Variants in GAS7 observed in about 807,000 individuals in gnomAD.
GAS7 encodes growth arrest-specific protein 7.
In GAS7, 28 loss-of-function variants were observed where a neutral mutation model predicts 71.1. The observed-to-expected ratio is 0.39, with a 90% CI of 0.29 to 0.54. The LOEUF is 0.54. GAS7 is among the 20% of genes least tolerant of loss of function. The pLI is 0.62. For synonymous variants in GAS7, 258 were observed against 245.8 expected, an observed-to-expected ratio of 1.05 and a Z score of -0.46; for missense variants, 436 against 627.8, an observed-to-expected ratio of 0.69 and a Z score of 3.27.
chr17:10,124,542 C>G (rs1381184002), intron 1 of GAS7, among the ~76,000 whole-genome samples: 1 of 152,244 alleles, frequency 6.6e-6, no homozygotes, highest in African/African-American at 2.4e-5. Flanking sequence ...TTTGCTGGCT[C>G]TCTTTCGGCC....
At position 9,917,149 on chromosome 17, in the gene GAS7, G is replaced by T. The variant is rs545468217; in HGVS notation, c.*79C>A. The T allele has an allele frequency of 7.4e-5, 65 of 882,914 alleles. No homozygotes were observed. In the African/African-American group the frequency reaches 8.5e-4, roughly 12 times the overall value. 54.7% of individuals were successfully genotyped at this position (882,914 alleles called of 1,614,324 possible). On this transcript the variant is annotated 3_prime_UTR_variant, in exon 14 of 14. Transcript: ENST00000432992. ...AGTGGCCCAGGAGAGAGGGTGGGGG[G>T]CATCCACTCGGCATGGGCCCCATGG...
chr17:10,108,215 C>G (rs949256147), intron 1 of GAS7, among the ~76,000 whole-genome samples: 6 of 152,184 alleles, frequency 3.9e-5, no homozygotes. Context: ...TGCTTTGCAT[C>G]CTCTCCCTAA....
intron 2 of GAS7, among the ~76,000 whole-genome samples, chr17:10,016,359 TG>T (rs547557520): frequency 7.8e-4 from 95 of 122,354 alleles, no homozygotes; most frequent in African/African-American, 2.9e-3. Context: ...CAGTCCAGCC[TG>T]GGTGAAAGAG....
chr17:9,920,496 A>G (rs772877820), intron 11 of GAS7, among the ~76,000 whole-genome samples: 2 of 152,386 alleles, frequency 1.3e-5, no homozygotes, highest in Non-Finnish European at 2.9e-5. Context: ...AAGTAATTGC[A>G]AACATTACTA....
rs891476537 is a variant in GAS7 at position 9,937,652 on chromosome 17, C to T, written c.806+2474G>A. ...CTGCACAGCCAACCCATGTGGAGGGCTTAATCAAAGCCACATTTGGGTTGG... is the reference window on the plus strand; with the variant it reads ...CTGCACAGCCAACCCATGTGGAGGGTTTAATCAAAGCCACATTTGGGTTGG... On this transcript the variant is annotated intron_variant, in intron 8 of 13. Coordinates refer to ENST00000432992, the MANE Select transcript of GAS7 (RefSeq NM_201433.2). Among the ~76,000 whole-genome samples the T allele has an allele frequency of 2.6e-5, 4 of 152,246 alleles. No homozygotes were observed. In the East Asian group the frequency reaches 7.7e-4, roughly 29 times the overall value.
At chr17:10,055,259 G>A (rs1227791809) in intron 1 of GAS7, among the ~76,000 whole-genome samples, 2 of 152,196 alleles carry the variant, frequency 1.3e-5, no homozygotes, top group African/African-American at 4.8e-5. Flanking sequence ...ATGGGGCATG[G>A]TGGGAAGGAA....
Position 9,959,440 on chromosome 17 carries a change from A to G in GAS7, c.472-185T>C, listed in dbSNP as rs2152112672. ...CTGACCCCACGCTGTTCCCACGCCC[A>G]GCTCTCGGGCTGAAGGCGAATTAAG... On this transcript the variant is annotated intron_variant, in intron 4 of 13. Transcript: ENST00000432992. The surrounding 1 kb of genome is among the most constrained non-coding windows in gnomAD (Gnocchi z 5.0). The G allele has an allele frequency of 1.4e-6, 2 of 1,440,884 alleles. No homozygotes were observed. The highest frequency in any genetic ancestry group is 1.8e-6 in the Non-Finnish European group (2 of 1,098,486). The allele number at this position is 1,440,884 out of a possible 1,614,324, so 89.3% of individuals were successfully genotyped here. A position where few individuals can be genotyped will look rare whatever the true frequency, so the allele number is the denominator to read the frequency against.
At chr17:10,176,556 G>T (rs558503664) in intron 1 of GAS7, among the ~76,000 whole-genome samples, 1 of 152,328 alleles carries the variant, frequency 6.6e-6, no homozygotes, top group Admixed American at 6.5e-5. Context: ...GAAGGTCAGA[G>T]ATCTTACATG....
intron 4 of GAS7, among the ~76,000 whole-genome samples, chr17:9,965,989 C>A (rs1299292095): frequency 6.6e-6 from 1 of 150,642 alleles, no homozygotes; most frequent in Non-Finnish European, 1.5e-5. Context: ...CACCCACCCC[C>A]CAAAATTCTT....
intron 1 of GAS7, among the ~76,000 whole-genome samples, chr17:10,095,889 C>G (rs926112713): frequency 2.0e-5 from 3 of 152,140 alleles, no homozygotes; most frequent in African/African-American, 7.2e-5. Context: ...CCTCTTTAAC[C>G]CAGTCCTTTC....
chr17:10,102,706 C>A (rs574745541), intron 1 of GAS7, among the ~76,000 whole-genome samples: 1 of 152,020 alleles, frequency 6.6e-6, no homozygotes, highest in East Asian at 1.9e-4. Context: ...ACACTCTATA[C>A]CAATTAATTC....
intron 1 of GAS7, among the ~76,000 whole-genome samples, chr17:10,176,874 G>A (rs779384794): frequency 2.0e-5 from 3 of 152,114 alleles, no homozygotes; most frequent in South Asian, 2.1e-4. Flanking sequence ...TGGTTAAGCC[G>A]TGAGCCAAAA....
chr17:10,086,900 C>T (rs990905334), intron 1 of GAS7, among the ~76,000 whole-genome samples: 3 of 152,258 alleles, frequency 2.0e-5, no homozygotes, highest in Middle Eastern at 3.4e-3. Flanking sequence ...TCATACAAGC[C>T]AAAGCAACCC....
chr17:10,113,590 G>A (rs2073834042), intron 1 of GAS7, among the ~76,000 whole-genome samples: 2 of 152,304 alleles, frequency 1.3e-5, no homozygotes, highest in South Asian at 2.1e-4. Flanking sequence ...CCTGTGTTCA[G>A]AAAACCACAG....
At chr17:10,037,252 T>G (rs960941651) in intron 1 of GAS7, among the ~76,000 whole-genome samples, 3 of 152,192 alleles carry the variant, frequency 2.0e-5, no homozygotes, top group Non-Finnish European at 4.4e-5. Flanking sequence ...GAGAAAGGAT[T>G]GGACCCCAAG....
chr17:10,019,971 C>G (rs901070844), intron 1 of GAS7, 74 bp from the exon 2 acceptor site: 13 of 1,410,104 alleles, frequency 9.2e-6, no homozygotes, highest in Non-Finnish European at 1.3e-5. Flanking sequence ...AAGGCAAAGG[C>G]TGATGAATTC....
At chr17:10,164,630 A>G (rs1417294677) in intron 1 of GAS7, among the ~76,000 whole-genome samples, 1 of 151,534 alleles carries the variant, frequency 6.6e-6, no homozygotes, top group African/African-American at 2.4e-5. Flanking sequence ...ATACCTGTGA[A>G]TAGCCGCTGC....
At position 10,018,448 on chromosome 17, in the gene GAS7, CTG is replaced by C. The variant is rs1201669557; in HGVS notation, c.304+1327_304+1328del. ...ATCTCATGATCCTACGGTCCAAATT[CTG>C]TGTTTGGCAGATGGGTGTTGCATAC... On this transcript the variant is annotated intron_variant, in intron 2 of 13. Transcript: ENST00000432992. Among the ~76,000 whole-genome samples, 11 of 152,262 alleles carry C rather than the reference CTG, an allele frequency of 7.2e-5. No homozygotes were observed. The South Asian group carries it at 1.5e-3, about 20-fold the overall frequency.
intron 1 of GAS7, among the ~76,000 whole-genome samples, chr17:10,040,354 T>A (rs76798459): frequency 0.039 from 5,846 of 151,714 alleles, 367 homozygotes; most frequent in African/African-American, 0.13. Flanking sequence ...AGGTGAGAAA[T>A]ATAGTAGTGA....
Sources: gnomAD v4.1 joint callset for allele counts (sites outside exome capture counted in the v4.1 genomes callset) on GRCh38, gnomAD v4.1.1 for gene constraint, Gnocchi (gnomAD v3.1) non-coding constraint, MANE v1.5 for transcripts, NCBI Gene and HGNC (gene_info 2026-07-23, HGNC 2026-07-21) for gene names.